Variants in GALNS observed in about 807,000 individuals in gnomAD.
GALNS encodes N-acetylgalactosamine-6-sulfatase.
In GALNS, 65 loss-of-function variants were observed where a neutral mutation model predicts 65.9. The ratio of observed to expected loss-of-function variants is 0.99; its 90% confidence interval spans 0.81 to 1.21. The LOEUF (loss-of-function observed/expected upper bound fraction) is 1.21, where lower values mean the gene tolerates loss of function less well. Ranked by LOEUF, GALNS falls within the 50% of genes most tolerant of loss-of-function variation. The pLI is 0.00. For synonymous variants in GALNS, 346 were observed against 288.9 expected (o/e 1.20, Z -2.00); for missense variants, 776 against 700.7 (o/e 1.11, Z -1.21).
At chr16:88,842,304 C>T in intron 2 of GALNS, 1 of 523,038 alleles carries the variant, frequency 1.9e-6, no homozygotes, top group Non-Finnish European at 3.5e-6. Flanking sequence ...CCTGCCTTCT[C>T]CTCTTCCTCA....
chr16:88,842,250 C>T (rs1967010192), intron 2 of GALNS: 1 of 574,474 alleles, frequency 1.7e-6, no homozygotes, highest in Non-Finnish European at 3.2e-6. Flanking sequence ...ACCCACTGGG[C>T]GTGCAGGTCC....
rs1163264200 is a variant in GALNS, at chr16:88,835,260, A to G, written c.851T>C (p.Phe284Ser). ...GGCAGCGCCGTTGTCCGACGTGAAG[A>G]AGACGAAGGTGTTGTCCGCGACGTG... is the stretch of plus-strand genomic sequence containing the variant. Reference protein sequence around the residue: ...DLHVADNTFVFFTSDNGAALI... With the variant: ...DLHVADNTFVSFTSDNGAALI... Residue 284 changes from phenylalanine (F) to serine (S), a missense_variant, in exon 8 of 14, where the codon TTC becomes TCC. Coordinates refer to ENST00000268695, the MANE Select transcript of GALNS (RefSeq NM_000512.5). 1 of 1,609,962 alleles carries G rather than the reference A, an allele frequency of 6.2e-7. No individual in the cohort carries two copies. Among genetic ancestry groups the G allele is most frequent in the Non-Finnish European group, 8.5e-7 (1 of 1,178,110 alleles).
intron 1 of GALNS, among the ~76,000 whole-genome samples, chr16:88,853,768 C>G (rs527338722): frequency 3.9e-5 from 6 of 152,278 alleles, no homozygotes; most frequent in African/African-American, 1.4e-4. Context: ...CGCGCTGGAC[C>G]GTGGGTCAGT....
chr16:88,825,163 T>C (rs1290783393), intron 10 of GALNS, among the ~76,000 whole-genome samples: 66 of 63,208 alleles, frequency 1.0e-3, no homozygotes, highest in African/African-American at 1.8e-3. Context: ...GACTGGGTGT[T>C]TGGGCGGCCG....
chr16:88,837,874 T>C, intron 4 of GALNS, 109 bp from the exon 5 acceptor site: 1 of 1,153,288 alleles, frequency 8.7e-7, no homozygotes, highest in Non-Finnish European at 1.3e-6. Context: ...ACGAGCACCC[T>C]CCAGCACTGA....
At chr16:88,855,214 T>C (rs1967741346) in intron 1 of GALNS, 1 of 695,734 alleles carries the variant, frequency 1.4e-6, no homozygotes, top group South Asian at 1.5e-5. Context: ...ATTCATGAGC[T>C]GCCCCGCCTC....
chr16:88,833,961 G>T (rs779521679), intron 8 of GALNS, among the ~76,000 whole-genome samples: 32 of 152,354 alleles, frequency 2.1e-4, no homozygotes, highest in Non-Finnish European at 4.4e-4. Flanking sequence ...GTGGGTGCTG[G>T]CGTCGAGGTG....
intron 11 of GALNS, among the ~76,000 whole-genome samples, 175 bp downstream of exon 11, chr16:88,824,592 G>A (rs1310174687): frequency 2.0e-5 from 3 of 152,188 alleles, no homozygotes; most frequent in African/African-American, 7.2e-5. Context: ...CAGCCTGTCA[G>A]CTGCCATGCC....
At chr16:88,840,727 G>C in intron 4 of GALNS, 1 of 507,924 alleles carries the variant, frequency 2.0e-6, no homozygotes, top group East Asian at 3.7e-5. Flanking sequence ...GCTGTGACTC[G>C]AGGGATGACG....
In GALNS at chr16:88,837,784, G is replaced by A. The variant is rs748044178; in HGVS notation, c.423-19C>T. 1.9e-6 allele frequency: 3 copies of A among 1,613,574 alleles called. No individual in the cohort carries two copies. The highest frequency in any genetic ancestry group is 2.5e-6 in the Non-Finnish European group (3 of 1,179,854). On this transcript the variant is annotated intron_variant, in intron 4 of 13. Coordinates refer to ENST00000268695, the MANE Select transcript of GALNS (RefSeq NM_000512.5). ...CAGATGCCTGGAAACAGGAACCCAG[G>A]ACACTTCAGGGACCCCACGTGGGGA...
At position 88,855,269 on chromosome 16, in the gene GALNS, A is replaced by C. The variant is rs1210356784; in HGVS notation, c.120+1489T>G. 5 of 700,026 alleles carry C rather than the reference A, an allele frequency of 7.1e-6. No individual in the cohort carries two copies. In the Admixed American group the frequency reaches 1.0e-4, roughly 14 times the overall value. The allele number at this position is 700,026 out of a possible 1,614,324, so 43.4% of individuals were successfully genotyped here. A position where few individuals can be genotyped will look rare whatever the true frequency, so the allele number is the denominator to read the frequency against. On this transcript the variant is annotated intron_variant, in intron 1 of 13. Transcript: ENST00000268695. ...AAGTCAGGAAAAGCAGAAACTTAAC[A>C]GGGAGGCTTCACCTGCAGAGCCCAG... is the stretch of plus-strand genomic sequence containing the variant.
chr16:88,835,918 T>A, intron 6 of GALNS, 69 bp from the exon 7 acceptor site: 1 of 1,608,230 alleles, frequency 6.2e-7, no homozygotes, highest in East Asian at 2.2e-5. Flanking sequence ...ACGGTCCCCG[T>A]CCCCACACGT....
intron 12 of GALNS, among the ~76,000 whole-genome samples, chr16:88,821,127 T>G (rs1186031697): frequency 6.6e-6 from 1 of 152,018 alleles, no homozygotes; most frequent in Non-Finnish European, 1.5e-5. Context: ...CATATGACCA[T>G]GAACTGGGGC....
intron 12 of GALNS, among the ~76,000 whole-genome samples, chr16:88,822,042 CTGTGTCGCCCCT>C (rs1910279601): frequency 6.6e-6 from 1 of 152,180 alleles, no homozygotes. Context: ...GTTGGGGCCT[CTGTGTCGCCCCT>C]AAGGAGCTGC....
At position 88,814,254 on chromosome 16, in the gene GALNS, G is replaced by T. The variant is rs959972318; in HGVS notation, c.*185C>A. On this transcript the variant is annotated 3_prime_UTR_variant, in exon 14 of 14. Transcript: ENST00000268695. ...AATCTGAGGCGCCGTGGGCGAGGAG[G>T]AGGGCCAAGCACACGCCAGGGTCAG... 1.3e-6 allele frequency: 1 copy of T among 782,284 alleles called. No individual in the cohort carries two copies. Among genetic ancestry groups the T allele is most frequent in the African/African-American group, 1.7e-5 (1 of 58,282 alleles). 48.5% of individuals were successfully genotyped at this position (782,284 alleles called of 1,614,324 possible).
chr16:88,814,543 A>T lies in GALNS; in HGVS notation c.1483-18T>A. The stretch of plus-strand genomic sequence containing the variant: ...GCCCAGTTCTGGGAAATGAAAATTG[A>T]GAAAAAGAACATGCAGTTATTCAAG... On this transcript the variant is annotated intron_variant, in intron 13 of 13. Coordinates refer to ENST00000268695, the MANE Select transcript of GALNS (RefSeq NM_000512.5). 1 of 1,551,842 alleles carries T rather than the reference A, an allele frequency of 6.4e-7. No individual in the cohort carries two copies. Among genetic ancestry groups the T allele is most frequent in the Non-Finnish European group, 8.7e-7 (1 of 1,147,378 alleles).
chr16:88,819,295 G>A (rs1909959764), intron 12 of GALNS, among the ~76,000 whole-genome samples: 1 of 152,136 alleles, frequency 6.6e-6, no homozygotes, highest in Admixed American at 6.5e-5. Context: ...GAGAGCTGGG[G>A]TCCTTCAGGG....
chr16:88,849,125 A>AT (rs913816949), intron 1 of GALNS, among the ~76,000 whole-genome samples: 36 of 151,942 alleles, frequency 2.4e-4, no homozygotes, highest in African/African-American at 8.5e-4. Flanking sequence ...GAGATGGTTT[A>AT]TTTTTTTGAG....
intron 11 of GALNS, 126 bp downstream of exon 11, chr16:88,824,641 G>A: frequency 1.3e-6 from 1 of 768,398 alleles, no homozygotes; most frequent in Non-Finnish European, 2.3e-6. Flanking sequence ...CACAGAGAAG[G>A]CTGTGGAGGG....
Sources: allele counts gnomAD v4.1 joint callset (sites outside exome capture counted in the v4.1 genomes callset), GRCh38; gene constraint gnomAD v4.1.1; transcripts MANE v1.5; gene names NCBI Gene and HGNC (gene_info 2026-07-23, HGNC 2026-07-21).